The following SLC9A6 variants were observed in gnomAD, a reference collection of about 807,000 sequenced individuals.
The protein encoded by SLC9A6 is sodium/hydrogen exchanger 6.
In SLC9A6, 6 loss-of-function variants were observed where a neutral mutation model predicts 45.3. The observed-to-expected ratio is 0.13, with a 90% CI of 0.07 to 0.26. SLC9A6 has a LOEUF of 0.26. Among genes scored for constraint, SLC9A6 ranks in the 10% least tolerant of loss-of-function variants. The pLI, the probability that SLC9A6 is intolerant of heterozygous loss-of-function variation, is 1.00. For missense variants in SLC9A6, 278 were observed against 503.7 expected (o/e 0.55, Z 4.29); for synonymous variants, 191 against 187.7 (o/e 1.02, Z -0.14).
intron 3 of SLC9A6, 148 bp downstream of exon 3, chrX:135,995,133 A>G (rs1383190925): frequency 2.2e-6 from 1 of 454,638 alleles, no homozygotes; most frequent in Non-Finnish European, 3.8e-6. Flanking sequence ...AAATGTAATA[A>G]TGTAAGGAAA....
chrX:135,996,625 T>C (rs782680614), intron 3 of SLC9A6, among the ~76,000 whole-genome samples: 1 of 112,233 alleles, frequency 8.9e-6, no homozygotes, highest in East Asian at 2.8e-4. Flanking sequence ...TACAATATTA[T>C]ACAACTTTAG....
chrX:136,030,113 CTT>C lies in SLC9A6; in HGVS notation c.1551-17_1551-16del, dbSNP rs782144188. Reference sequence around the variant, plus strand: ...TTTTGGCTTCAAAATCTCATTTGCTCTTTGTCTTTCTCCTTTAGGGTTGGTGT... The same window carrying C: ...TTTTGGCTTCAAAATCTCATTTGCTCTGTCTTTCTCCTTTAGGGTTGGTGT... On this transcript the variant is annotated splice_polypyrimidine_tract_variant and intron_variant, in intron 14 of 17. Coordinates refer to ENST00000630721, the MANE Select transcript of SLC9A6 (RefSeq NM_001379110.1). 5.0e-6 allele frequency: 6 copies of C among 1,208,133 alleles called. No individual in the cohort carries two copies. Among genetic ancestry groups the C allele is most frequent in the South Asian group, 3.5e-5 (2 of 56,800 alleles).
rs782093593 is a variant in SLC9A6, at chrX:136,040,190, G to A, written c.1767+9G>A. 2 of 1,160,204 alleles carry A rather than the reference G, an allele frequency of 1.7e-6. No individual in the cohort carries two copies. The highest frequency in any genetic ancestry group is 4.4e-5 in the Admixed American group (2 of 45,285). On this transcript the variant is annotated intron_variant, in intron 17 of 17. Transcript: ENST00000630721. ...GCCCCCAGGCTTACGAAGTAAGTTG[G>A]TTTTATCCAAAACTAAATTCTTCAG...
chrX:135,996,990 T>C (rs782032955), intron 3 of SLC9A6, among the ~76,000 whole-genome samples: 182 of 111,217 alleles, frequency 1.6e-3, no homozygotes, highest in African/African-American at 5.9e-3. Context: ...ATGGTCTCGA[T>C]CTCCTGACTT....
chrX:135,973,966 G>C, upstream of SLC9A6: 1 of 1,053,630 alleles, frequency 9.5e-7, no homozygotes, highest in Non-Finnish European at 1.3e-6. Context: ...AGGCGAAAGC[G>C]GGAGCTACGG....
At position 135,985,527 on chromosome X, in the gene SLC9A6, G is replaced by C. The variant is rs201523857; in HGVS notation, c.-57+50G>C. On this transcript the variant is annotated intron_variant, in intron 1 of 17. Transcript: ENST00000630721. ...CATGGCTCGGCGCGGCTGGCGGCGG[G>C]CACCCCTCCGCCGTGGCGTCGGCAG... is the stretch of plus-strand genomic sequence containing the variant. The C allele has an allele frequency of 2.7e-6, 3 of 1,130,890 alleles. No individual in the cohort carries two copies. The Admixed American group carries it at 8.3e-5, about 31-fold the overall frequency. 93.2% of individuals were successfully genotyped at this position (1,130,890 alleles called of 1,213,427 possible).
chrX:135,997,446 C>T (rs1187606934), intron 3 of SLC9A6, among the ~76,000 whole-genome samples: 13 of 77,253 alleles, frequency 1.7e-4, no homozygotes, highest in African/African-American at 6.4e-4. Context: ...CTCACTCTTT[C>T]GCCCAGGCTG....
At chrX:136,009,513 G>T (rs1472068028) in intron 7 of SLC9A6, among the ~76,000 whole-genome samples, 6 of 111,805 alleles carry the variant, frequency 5.4e-5, no homozygotes, top group Middle Eastern at 4.2e-3. Flanking sequence ...TTTTAGGAAT[G>T]TGTTTTTCCT....
At chrX:136,034,975 A>G (rs1258904327) in intron 16 of SLC9A6, among the ~76,000 whole-genome samples, 2 of 111,249 alleles carry the variant, frequency 1.8e-5, no homozygotes, top group Non-Finnish European at 3.8e-5. Flanking sequence ...TGTTTTGTAC[A>G]TTTTCTACAT....
intron 15 of SLC9A6, 57 bp from the exon 16 acceptor site, chrX:136,033,357 C>T: frequency 1.3e-6 from 1 of 763,238 alleles, no homozygotes; most frequent in African/African-American, 2.0e-5. Flanking sequence ...AGGAATGGCT[C>T]TAAATAAATG....
intron 17 of SLC9A6, among the ~76,000 whole-genome samples, chrX:136,042,178 T>G (rs927748567): frequency 1.0e-5 from 1 of 96,951 alleles, no homozygotes; most frequent in Non-Finnish European, 2.1e-5. Context: ...TCACACTTAA[T>G]TTTTTTTTTT....
chrX:135,996,972 T>C (rs1318621400), intron 3 of SLC9A6, among the ~76,000 whole-genome samples: 3 of 110,799 alleles, frequency 2.7e-5, no homozygotes, highest in African/African-American at 6.6e-5. Context: ...TTCACCGTGT[T>C]AGCCAGGATG....
In SLC9A6 at chrX:136,043,177, C is replaced by A. The variant is rs1221291579; in HGVS notation, c.1768-1275C>A. Among the ~76,000 whole-genome samples the A allele has an allele frequency of 3.6e-5, 4 of 111,408 alleles. No individual in the cohort carries two copies. The Admixed American group carries it at 3.8e-4, about 11-fold the overall frequency. On this transcript the variant is annotated intron_variant, in intron 17 of 17. Transcript: ENST00000630721. The stretch of plus-strand genomic sequence containing the variant: ...GATACTGGTTAGATAGACTTACTGT[C>A]CTAACTAGATTAGACAGGAAGGGAT...
intron 7 of SLC9A6, 159 bp from the exon 8 acceptor site, chrX:136,010,283 T>C (rs2070895705): frequency 2.6e-6 from 1 of 389,508 alleles, no homozygotes; most frequent in Non-Finnish European, 4.3e-6. Context: ...GCCAGATACA[T>C]TGCAGGATTT....
At chrX:136,014,181 A>G (rs1289834857) in intron 10 of SLC9A6, among the ~76,000 whole-genome samples, 2 of 112,424 alleles carry the variant, frequency 1.8e-5, no homozygotes, top group African/African-American at 6.5e-5. Context: ...GAAGGTTTAA[A>G]TTTTGCCAAA....
rs151058436 is a variant in SLC9A6 at position 136,019,144 on chromosome X, A to G, written c.1194+2386A>G. The stretch of plus-strand genomic sequence containing the variant: ...GGAGAGAGTTGCTCTATTTCTGGCT[A>G]TGTTAGTTAGGACATAGGTTGGTTT... On this transcript the variant is annotated intron_variant, in intron 11 of 17. Coordinates refer to ENST00000630721, the MANE Select transcript of SLC9A6 (RefSeq NM_001379110.1). Among the ~76,000 whole-genome samples, 299 of 112,289 alleles carry G rather than the reference A, an allele frequency of 2.7e-3. 3 individuals carry two copies. Among genetic ancestry groups the G allele is most frequent in the Admixed American group, 0.019 (202 of 10,582 alleles).
upstream of SLC9A6, among the ~76,000 whole-genome samples, chrX:135,982,246 A>C (rs2089288964): frequency 1.8e-5 from 2 of 110,004 alleles, no homozygotes; most frequent in African/African-American, 3.3e-5. Context: ...TCCTTTGAGA[A>C]GCTTATCTAT....
At chrX:136,020,437 C>T (rs1238043732) in intron 11 of SLC9A6, among the ~76,000 whole-genome samples, 3 of 111,634 alleles carry the variant, frequency 2.7e-5, no homozygotes, top group Non-Finnish European at 3.8e-5. Flanking sequence ...CTGCAACCTC[C>T]GCCTCCCGGG....
chrX:136,038,144 A>G (rs1441880366), intron 16 of SLC9A6, among the ~76,000 whole-genome samples: 2 of 111,575 alleles, frequency 1.8e-5, no homozygotes, highest in Non-Finnish European at 3.8e-5. Context: ...ATATTTCACC[A>G]TTAAGTACGA....
Sources: allele counts gnomAD v4.1 joint callset (sites outside exome capture counted in the v4.1 genomes callset), GRCh38; gene constraint gnomAD v4.1.1; transcripts MANE v1.5; gene names NCBI Gene and HGNC (gene_info 2026-07-23, HGNC 2026-07-21).